The following TMEM132C variants were observed in gnomAD, a reference collection of about 807,000 sequenced individuals.
The protein encoded by TMEM132C is protein phosphatase 1, regulatory subunit 152.
A neutral mutation model predicts 61.4 loss-of-function variants in TMEM132C; 29 were observed. The observed-to-expected ratio is 0.47, with a 90% CI of 0.35 to 0.64. TMEM132C has a LOEUF of 0.64. Ranked by LOEUF, TMEM132C falls within the 30% of genes least tolerant of loss-of-function variation. TMEM132C has a pLI of 0.00. For synonymous variants in TMEM132C, 656 were observed against 633.1 expected (o/e 1.04, Z -0.54); for missense variants, 1,408 against 1,476.9 (o/e 0.95, Z 0.76).
At chr12:128,416,068 T>C (rs888850549) in intron 2 of TMEM132C, among the ~76,000 whole-genome samples, 1 of 152,220 alleles carries the variant, frequency 6.6e-6, no homozygotes, top group Non-Finnish European at 1.5e-5. Flanking sequence ...TAGTACCCTT[T>C]TTTTTAATTA....
intron 2 of TMEM132C, among the ~76,000 whole-genome samples, chr12:128,485,208 G>A (rs937311114): frequency 4.6e-5 from 7 of 152,136 alleles, no homozygotes; most frequent in African/African-American, 1.4e-4. Flanking sequence ...ACAAATTCCT[G>A]CTCTGTTGCC....
chr12:128,665,316 CA>C (rs1401115956), intron 4 of TMEM132C, among the ~76,000 whole-genome samples: 1 of 136,184 alleles, frequency 7.3e-6, no homozygotes, highest in African/African-American at 3.6e-5. Flanking sequence ...AACAGGCACA[CA>C]CACACAAATA....
intron 4 of TMEM132C, among the ~76,000 whole-genome samples, chr12:128,635,629 A>T (rs558947813): frequency 2.0e-5 from 3 of 152,174 alleles, no homozygotes; most frequent in Non-Finnish European, 2.9e-5. Flanking sequence ...CAGGTTACAC[A>T]TGAGCCCCTG....
chr12:128,706,533 C>T lies in TMEM132C; in HGVS notation c.*238C>T, dbSNP rs1372101682. The T allele has an allele frequency of 4.3e-6, 2 of 466,844 alleles. No homozygotes were observed. Among genetic ancestry groups the T allele is most frequent in the Non-Finnish European group, 7.2e-6 (2 of 277,616 alleles). 28.9% of individuals were successfully genotyped at this position (466,844 alleles called of 1,614,324 possible). On this transcript the variant is annotated 3_prime_UTR_variant, in exon 9 of 9. Coordinates refer to ENST00000435159, the MANE Select transcript of TMEM132C (RefSeq NM_001136103.3). ...AAGTCTGGGGCATGGGGAGTGCAGA[C>T]CAAGTTACTGAACTGCACAGGCAAA...
intron 1 of TMEM132C, among the ~76,000 whole-genome samples, chr12:128,280,839 A>G (rs564048024): frequency 6.6e-6 from 1 of 152,282 alleles, no homozygotes; most frequent in East Asian, 1.9e-4. Context: ...TTCATATGCC[A>G]GTTTCTGAAC....
intron 2 of TMEM132C, among the ~76,000 whole-genome samples, chr12:128,510,423 A>T (rs563040857): frequency 1.3e-5 from 2 of 152,244 alleles, no homozygotes; most frequent in African/African-American, 2.4e-5. Context: ...TTGCTTTTTT[A>T]AAAAAATAAA....
chr12:128,567,493 A>G (rs1262284615), intron 3 of TMEM132C, among the ~76,000 whole-genome samples: 2 of 152,120 alleles, frequency 1.3e-5, no homozygotes, highest in Middle Eastern at 3.4e-3. Flanking sequence ...AACTATGGAA[A>G]GTGATAGAGG....
intron 3 of TMEM132C, among the ~76,000 whole-genome samples, chr12:128,552,436 C>A (rs1167343888): frequency 6.6e-6 from 1 of 152,092 alleles, no homozygotes; most frequent in African/African-American, 2.4e-5. Context: ...AGGTATCATA[C>A]CATTGGGCAA....
At chr12:128,505,556 G>A (rs1019309973) in intron 2 of TMEM132C, among the ~76,000 whole-genome samples, 5 of 152,182 alleles carry the variant, frequency 3.3e-5, no homozygotes, top group African/African-American at 1.2e-4. Flanking sequence ...AAATTGACAA[G>A]TGTTCCTCAT....
rs560241708 is a variant in TMEM132C, at chr12:128,408,714, C to T, written c.86-6018C>T. 1.7e-3 allele frequency among the ~76,000 whole-genome samples: 258 copies of T among 152,310 alleles called. 1 individual carries two copies. The highest frequency in any genetic ancestry group is 2.7e-3 in the Non-Finnish European group (185 of 68,028). ...GGTTAAAATGGAAGCGCCGAGCCAT[C>T]CCTAAAGAGAGGGAGGCGAATGTGC... On this transcript the variant is annotated intron_variant, in intron 1 of 8. Coordinates refer to ENST00000435159, the MANE Select transcript of TMEM132C (RefSeq NM_001136103.3).
At position 128,310,383 on chromosome 12, in the gene TMEM132C, G is replaced by A. The variant is rs571929818; in HGVS notation, c.85+42896G>A. Among the ~76,000 whole-genome samples, 54 of 152,210 alleles carry A rather than the reference G, an allele frequency of 3.5e-4. No homozygotes were observed. In the South Asian group the frequency reaches 6.2e-3, roughly 18 times the overall value. On this transcript the variant is annotated intron_variant, in intron 1 of 8. Transcript: ENST00000435159. Reference sequence around the variant, plus strand: ...AATTTATAAGAAGAGAGGCTTAATTGGCTCATGGTTCTGCAGGCTGTACAG... The same window carrying A: ...AATTTATAAGAAGAGAGGCTTAATTAGCTCATGGTTCTGCAGGCTGTACAG...
At chr12:128,606,524 T>TAA (rs959027350) in intron 3 of TMEM132C, among the ~76,000 whole-genome samples, 2 of 152,228 alleles carry the variant, frequency 1.3e-5, no homozygotes, top group African/African-American at 4.8e-5. Flanking sequence ...TTCCCATTTT[T>TAA]AAAAAATCCA....
chr12:128,473,368 A>ATCTTAATCTTCAGTCCAACCTCTC (rs2136083238), intron 2 of TMEM132C, among the ~76,000 whole-genome samples: 1 of 474 alleles, frequency 2.1e-3, no homozygotes, highest in African/African-American at 7.2e-3. Flanking sequence ...TCCAGCCTCT[A>ATCTTAATCTTCAGTCCAACCTCTC]TCTTCATCTT....
intron 3 of TMEM132C, among the ~76,000 whole-genome samples, chr12:128,568,798 C>A (rs1874782624): frequency 6.6e-6 from 1 of 152,212 alleles, no homozygotes; most frequent in African/African-American, 2.4e-5. Context: ...CAGCTTTCTA[C>A]TAACAAGATC....
chr12:128,494,978 A>G (rs1358493199), intron 2 of TMEM132C, among the ~76,000 whole-genome samples: 1 of 142,004 alleles, frequency 7.0e-6, no homozygotes, highest in Non-Finnish European at 1.5e-5. Context: ...TCTTGTGGGC[A>G]TTTAGTGCTA....
chr12:128,296,362 T>C (rs1871415829), intron 1 of TMEM132C, among the ~76,000 whole-genome samples: 1 of 152,222 alleles, frequency 6.6e-6, no homozygotes, highest in Non-Finnish European at 1.5e-5. Context: ...ATTGCTCCCC[T>C]TAATGATCAA....
chr12:128,673,089 G>T (rs61940600), intron 5 of TMEM132C, among the ~76,000 whole-genome samples: 4,219 of 152,260 alleles, frequency 0.028, 61 homozygotes, highest in Middle Eastern at 0.071. Flanking sequence ...AGGAATGCTG[G>T]CCTTCGAGAA....
At chr12:128,439,252 AT>A (rs1360293945) in intron 2 of TMEM132C, 1 of 152,314 alleles carries the variant, frequency 6.6e-6, no homozygotes, top group Non-Finnish European at 1.5e-5. Flanking sequence ...GAAAAAAAAA[AT>A]GTAAGTTATT....
At chr12:128,627,214 A>G (rs1954025040) in intron 4 of TMEM132C, among the ~76,000 whole-genome samples, 1 of 152,138 alleles carries the variant, frequency 6.6e-6, no homozygotes, top group Admixed American at 6.5e-5. Flanking sequence ...CATATCCAAT[A>G]CAATTATTGT....
Sources: allele counts gnomAD v4.1 joint callset (sites outside exome capture counted in the v4.1 genomes callset), GRCh38; gene constraint gnomAD v4.1.1; transcripts MANE v1.5; gene names NCBI Gene and HGNC (gene_info 2026-07-23, HGNC 2026-07-21).